CDKN2B-AS1: variants seen among roughly 807,000 people sequenced by gnomAD.
The protein encoded by CDKN2B-AS1 is CDKN2B antisense RNA 1 (non-protein coding).
intron 4 of CDKN2B-AS1, among the ~76,000 whole-genome samples, chr9:22,116,992 T>C (rs1257856386): frequency 6.6e-6 from 1 of 152,160 alleles, no homozygotes; most frequent in Admixed American, 6.5e-5. Context: ...GAAGATCAAA[T>C]GGAAGCTGGG....
chr9:22,042,590 T>C (rs911211793), intron 1 of CDKN2B-AS1, among the ~76,000 whole-genome samples: 2 of 152,102 alleles, frequency 1.3e-5, no homozygotes, highest in Non-Finnish European at 2.9e-5. Flanking sequence ...CCTTGCCCCA[T>C]GGCCACCACT....
intron 1 of CDKN2B-AS1, among the ~76,000 whole-genome samples, chr9:21,998,107 GT>G (rs1820765195): frequency 6.6e-6 from 1 of 152,176 alleles, no homozygotes; most frequent in African/African-American, 2.4e-5. Context: ...TTCCATCTTG[GT>G]TTCCCCCACT....
At chr9:22,104,860 A>G (rs979980265) in intron 4 of CDKN2B-AS1, among the ~76,000 whole-genome samples, 1 of 152,244 alleles carries the variant, frequency 6.6e-6, no homozygotes, top group Admixed American at 6.5e-5. Context: ...TAAGAGCAAC[A>G]TATATTGAAT....
At chr9:22,003,073 G>C (rs1820992829) in intron 1 of CDKN2B-AS1, 1 of 212,854 alleles carries the variant, frequency 4.7e-6, no homozygotes, top group Non-Finnish European at 9.5e-6. Context: ...CATGAAAATA[G>C]TAACTATATG....
chr9:22,069,927 A>G (rs912786158), intron 4 of CDKN2B-AS1, among the ~76,000 whole-genome samples: 5 of 152,016 alleles, frequency 3.3e-5, no homozygotes, highest in African/African-American at 9.7e-5. Flanking sequence ...GCAGTGCACA[A>G]TCTTGGCTCA....
intron 1 of CDKN2B-AS1, among the ~76,000 whole-genome samples, chr9:22,017,134 A>C (rs1035868823): frequency 2.6e-5 from 4 of 152,236 alleles, no homozygotes; most frequent in African/African-American, 9.6e-5. Context: ...GGCATTTAAA[A>C]TAAGGAAGTT....
chr9:22,018,802 AT>A (rs1445540687), intron 1 of CDKN2B-AS1, among the ~76,000 whole-genome samples: 1 of 152,214 alleles, frequency 6.6e-6, no homozygotes, highest in East Asian at 1.9e-4. Flanking sequence ...TCTGTAATAT[AT>A]TTACTCATCC....
intron 4 of CDKN2B-AS1, among the ~76,000 whole-genome samples, chr9:22,125,776 ACAAAC>A (rs1440249863): frequency 6.6e-6 from 1 of 152,234 alleles, no homozygotes; most frequent in Non-Finnish European, 1.5e-5. Flanking sequence ...AATACTAAAA[ACAAAC>A]CAAATGTTCA....
At chr9:22,100,741 G>A (rs1825455346) in intron 4 of CDKN2B-AS1, among the ~76,000 whole-genome samples, 1 of 152,148 alleles carries the variant, frequency 6.6e-6, no homozygotes, top group Non-Finnish European at 1.5e-5. Context: ...TTTCCAAAGT[G>A]GCTGTAACAG....
chr9:22,010,411 C>T (rs1587392099), intron 1 of CDKN2B-AS1, among the ~76,000 whole-genome samples: 1 of 152,150 alleles, frequency 6.6e-6, no homozygotes, highest in Non-Finnish European at 1.5e-5. Context: ...TAAAAGTGAA[C>T]AATTTTTGTT....
Position 22,019,995 on chromosome 9 carries a change from T to C in CDKN2B-AS1, n.29+24834T>C, listed in dbSNP as rs561219957. ...ATTAAGTCTAGTACTTGTTAGTTAGTTATTTTTCCTTATTTTCTCCCTCCA... is the reference window on the plus strand; with the variant it reads ...ATTAAGTCTAGTACTTGTTAGTTAGCTATTTTTCCTTATTTTCTCCCTCCA... On this transcript the variant is annotated intron_variant and non_coding_transcript_variant, in intron 1 of 4. Coordinates refer to ENST00000650946, the Ensembl canonical transcript of CDKN2B-AS1. Among the ~76,000 whole-genome samples, 3 of 152,132 alleles carry C rather than the reference T, an allele frequency of 2.0e-5. No individual in the cohort carries two copies. In the South Asian group the frequency reaches 6.2e-4, roughly 32 times the overall value.
At position 22,044,298 on chromosome 9, in the gene CDKN2B-AS1, C is replaced by T. The variant is rs185893756; in HGVS notation, n.30-2453C>T. On this transcript the variant is annotated intron_variant and non_coding_transcript_variant, in intron 1 of 4. Transcript: ENST00000650946. ...CAAATTAGTTAAAGGTTGTAAAATGCCTAGAAACAGAGTAGAATATCCTAG... is the reference window on the plus strand; with the variant it reads ...CAAATTAGTTAAAGGTTGTAAAATGTCTAGAAACAGAGTAGAATATCCTAG... Among the ~76,000 whole-genome samples, 586 of 151,832 alleles carry T rather than the reference C, an allele frequency of 3.9e-3. 7 individuals carry two copies. Among genetic ancestry groups the T allele is most frequent in the Middle Eastern group, 0.017 (5 of 294 alleles).
intron 4 of CDKN2B-AS1, among the ~76,000 whole-genome samples, chr9:22,081,944 C>T (rs191532874): frequency 4.7e-4 from 72 of 152,202 alleles, no homozygotes; most frequent in African/African-American, 1.7e-3. Flanking sequence ...CTTCATATAC[C>T]CCCAGCCTGT....
intron 4 of CDKN2B-AS1, among the ~76,000 whole-genome samples, chr9:22,099,747 T>TAA (rs5896965): frequency 7.3e-5 from 11 of 151,668 alleles, no homozygotes; most frequent in South Asian, 6.2e-4. Flanking sequence ...AATTATTAAG[T>TAA]AAAAAAAAGG....
chr9:22,013,806 C>T (rs10757263), intron 1 of CDKN2B-AS1, among the ~76,000 whole-genome samples: 84,841 of 151,676 alleles, frequency 0.56, 24,750 homozygotes, highest in African/African-American at 0.69. Flanking sequence ...TTTTTTCTTT[C>T]AATTTATCTA....
intron 4 of CDKN2B-AS1, among the ~76,000 whole-genome samples, chr9:22,111,145 T>G (rs1345426112): frequency 6.6e-6 from 1 of 152,162 alleles, no homozygotes; most frequent in Non-Finnish European, 1.5e-5. Flanking sequence ...AATGTGGCTT[T>G]GAACATTCTT....
At chr9:22,014,926 C>T (rs192649265) in intron 1 of CDKN2B-AS1, among the ~76,000 whole-genome samples, 2 of 152,160 alleles carry the variant, frequency 1.3e-5, no homozygotes, top group East Asian at 1.9e-4. Flanking sequence ...CATGTCCCTA[C>T]AAAGGACATG....
intron 4 of CDKN2B-AS1, among the ~76,000 whole-genome samples, chr9:22,115,463 A>G (rs997779700): frequency 6.6e-6 from 1 of 152,170 alleles, no homozygotes; most frequent in Non-Finnish European, 1.5e-5. Context: ...CACCAAGTAC[A>G]TGGAAAGAAA....
chr9:22,052,965 G>A lies in CDKN2B-AS1; in HGVS notation n.303-3287G>A, dbSNP rs757671734. Among the ~76,000 whole-genome samples, 8 of 152,278 alleles carry A rather than the reference G, an allele frequency of 5.3e-5. No homozygotes were observed. The South Asian group carries it at 6.2e-4, about 12-fold the overall frequency. On this transcript the variant is annotated intron_variant and non_coding_transcript_variant, in intron 3 of 4. Coordinates refer to ENST00000650946, the Ensembl canonical transcript of CDKN2B-AS1. ...CCTTCTAGAGTGTGGCTGAACTGGCGCCAGCATTAAGAAAAGGAGTTTCCA... is the reference window on the plus strand; with the variant it reads ...CCTTCTAGAGTGTGGCTGAACTGGCACCAGCATTAAGAAAAGGAGTTTCCA...
Sources: allele counts gnomAD v4.1 joint callset (sites outside exome capture counted in the v4.1 genomes callset), GRCh38; gene constraint gnomAD v4.1.1; transcripts MANE v1.5; gene names NCBI Gene and HGNC (gene_info 2026-07-23, HGNC 2026-07-21).